Variants in IL32 observed in about 807,000 individuals in gnomAD.
IL32 encodes interleukin 32.
Under a neutral mutation model 16.6 loss-of-function variants are expected in IL32, and 30 were observed. The observed-to-expected ratio is 1.81, with a 90% CI of 1.35 to 2.45. IL32 has a LOEUF of 2.45. IL32 is among the 30% of genes most tolerant of loss of function. IL32 has a pLI of 0.00. For synonymous variants in IL32, 70 were observed against 86.1 expected, an observed-to-expected ratio of 0.81 and a Z score of 1.03; for missense variants, 234 against 229.8, an observed-to-expected ratio of 1.02 and a Z score of -0.12.
rs143342755 is a variant in IL32 at position 3,067,921 on chromosome 16, G to A, written c.115-63G>A. The A allele has an allele frequency of 3.1e-6, 5 of 1,587,642 alleles. No homozygotes were observed. In the African/African-American group the frequency reaches 4.0e-5, roughly 13 times the overall value. On this transcript the variant is annotated intron_variant, in intron 4 of 6. Transcript: ENST00000525643. ...GAGCTGAGGACTCACTGGGCTTGAG[G>A]ACTGACTGATGTGGGGTGCAGAGGA...
chr16:3,065,449 C>T (rs146346692), upstream of IL32: 2,992 of 357,714 alleles, frequency 8.4e-3, 21 homozygotes, highest in Non-Finnish European at 0.012. Context: ...CAGCCAGGGA[C>T]GGACCCTCAT....
At chr16:3,067,688 G>T (rs1177298748) in intron 4 of IL32, 75 bp downstream of exon 4, 3 of 1,180,394 alleles carry the variant, frequency 2.5e-6, no homozygotes, top group Middle Eastern at 3.9e-4. Flanking sequence ...GGGGCTCAGG[G>T]TGAGAAGGAT....
At position 3,068,164 on chromosome 16, in the gene IL32, GC is replaced by G. The variant is rs1305687988; in HGVS notation, c.142-13del. On this transcript the variant is annotated splice_polypyrimidine_tract_variant and intron_variant, in intron 5 of 6. Transcript: ENST00000525643. ...GGCAGGAGCAGCATGAACCCCCTGT[GC>G]CCTCCTCTCCCCAGGACGACTTCAA... 3.1e-6 allele frequency: 5 copies of G among 1,603,998 alleles called. No homozygotes were observed. The highest frequency in any genetic ancestry group is 3.4e-6 in the Non-Finnish European group (4 of 1,175,030).
At chr16:3,067,306 TGTG>T in intron 2 of IL32, 68 bp from the exon 3 acceptor site, 9 of 741,550 alleles carry the variant, frequency 1.2e-5, no homozygotes, top group Non-Finnish European at 2.1e-5. Flanking sequence ...TGTGTGTGTG[TGTG>T]TATAAATTAT....
chr16:3,068,194 G>T lies in IL32; in HGVS notation c.156G>T (p.Glu52Asp). The change falls in exon 6 of 7, where the codon GAG becomes GAT. Residue 52 changes from glutamate to aspartate, a missense_variant. Physicochemically the swap from Glu to Asp is conservative, Grantham distance 45. This residue lies in a region of IL32 where 137 missense variants were observed against 80.7 expected (regional missense o/e 1.70). Transcript: ENST00000525643. ...SLAELEDDFK[E>D]GYLETVAAYY... ...CCTCTCCCCAGGACGACTTCAAAGA[G>T]GGCTACCTGGAGACAGTGGCGGCTT... 6.2e-7 allele frequency: 1 copy of T among 1,604,342 alleles called. No homozygotes were observed. The highest frequency in any genetic ancestry group is 8.5e-7 in the Non-Finnish European group (1 of 1,175,210).
In IL32 at chr16:3,067,269, C is replaced by CTGTGTGTGTGTGTG. The variant is rs1555442464; in HGVS notation, c.16-107_16-106insGTGTGTGTGTGTGT. ...CTTATCCTGTACCTCTGCCATGTGTCTCTGTGTGTGTGTGTGTGTGTGTGT... is the reference window on the plus strand; with the variant it reads ...CTTATCCTGTACCTCTGCCATGTGTCTGTGTGTGTGTGTGTCTGTGTGTGTGTGTGTGTGTGTGT... On this transcript the variant is annotated intron_variant, in intron 2 of 6. Transcript: ENST00000525643. 1.0e-5 allele frequency: 4 copies of CTGTGTGTGTGTGTG among 391,516 alleles called. No individual in the cohort carries two copies. In the East Asian group the frequency reaches 2.4e-4, roughly 23 times the overall value. 24.3% of individuals were successfully genotyped at this position (391,516 alleles called of 1,614,324 possible).
chr16:3,065,808 C>T lies in IL32; in HGVS notation c.-4C>T, dbSNP rs200820637. On this transcript the variant is annotated 5_prime_UTR_variant, in exon 2 of 7. Coordinates refer to ENST00000525643, the MANE Select transcript of IL32 (RefSeq NM_001376923.1). ...GGCCTTGGCTCCTTGAACTTTTGGC[C>T]GCCATGTGCTTCCCGAAGGTGAGTG... 9.4e-5 allele frequency: 152 copies of T among 1,614,132 alleles called. 1 individual carries two copies. The South Asian group carries it at 1.2e-3, about 13-fold the overall frequency.
At chr16:3,068,493 A>G (rs1302457754) in intron 6 of IL32, 27 of 505,710 alleles carry the variant, frequency 5.3e-5, no homozygotes, top group Non-Finnish European at 9.0e-5. Flanking sequence ...GTGTGTTTTT[A>G]GTAGAGACCA....
At chr16:3,066,878 T>TGG (rs199974163) in intron 2 of IL32, among the ~76,000 whole-genome samples, 9 of 150,480 alleles carry the variant, frequency 6.0e-5, no homozygotes, top group Admixed American at 2.6e-4. Context: ...TGTGTGTACA[T>TGG]GGGGGGGTGT....
upstream of IL32, chr16:3,065,488 CTCTCGGGTAAGTCTCCATCTCTGTCTG>C (rs956362456): frequency 4.2e-6 from 2 of 479,120 alleles, no homozygotes; most frequent in African/African-American, 2.0e-5. Context: ...ACCTCTGTCT[CTCTCGGGTAAGTCTCCATCTCTGTCTG>C]TCTCTGTCTC....
chr16:3,068,516 T>C (rs1024015873), intron 6 of IL32: 2 of 471,636 alleles, frequency 4.2e-6, no homozygotes, highest in South Asian at 4.2e-5. Context: ...TTTCACCATG[T>C]TTGCCAGGCT....
intron 4 of IL32, 106 bp from the exon 5 acceptor site, chr16:3,067,878 C>T: frequency 1.5e-6 from 2 of 1,367,768 alleles, no homozygotes; most frequent in Non-Finnish European, 2.1e-6. Flanking sequence ...CTGGCTGGGC[C>T]CAGTTCGGGG....
intron 6 of IL32, chr16:3,068,600 C>G (rs896653849): frequency 1.5e-5 from 6 of 405,986 alleles, no homozygotes; most frequent in Non-Finnish European, 2.8e-5. Context: ...CATGAGCCAC[C>G]GGGCCCAGCC....
intron 3 of IL32, 23 bp from the exon 4 acceptor site, chr16:3,067,531 G>T: frequency 6.2e-7 from 1 of 1,614,042 alleles, no homozygotes; most frequent in African/African-American, 1.3e-5. Context: ...GCCCTTTGGT[G>T]CCAACTCTGC....
intron 4 of IL32, 38 bp from the exon 5 acceptor site, chr16:3,067,945 GA>G: frequency 6.2e-7 from 1 of 1,613,008 alleles, no homozygotes. Flanking sequence ...GGGTGCAGAG[GA>G]GGCTTGGGCC....
chr16:3,067,358 G>C lies in IL32; in HGVS notation c.16-19G>C. ...TTAAGGTGACACATGGAGACTGAGT[G>C]TCACCGTTATTTCCGCAGGTCCTCT... On this transcript the variant is annotated intron_variant, in intron 2 of 6. Transcript: ENST00000525643. 6.8e-7 allele frequency: 1 copy of C among 1,471,110 alleles called. No homozygotes were observed. Among genetic ancestry groups the C allele is most frequent in the Non-Finnish European group, 9.2e-7 (1 of 1,085,186 alleles). 91.1% of individuals were successfully genotyped at this position (1,471,110 alleles called of 1,614,324 possible). A position where few individuals can be genotyped will look rare whatever the true frequency, so the allele number is the denominator to read the frequency against.
At position 3,067,287 on chromosome 16, in the gene IL32, G is replaced by GTGTGTGTGTGTGTGTC. The variant is rs1956474586; in HGVS notation, c.16-75_16-74insCTGTGTGTGTGTGTGT. 3 of 551,692 alleles carry GTGTGTGTGTGTGTGTC rather than the reference G, an allele frequency of 5.4e-6. No individual in the cohort carries two copies. The Admixed American group carries it at 1.1e-4, about 21-fold the overall frequency. 34.2% of individuals were successfully genotyped at this position (551,692 alleles called of 1,614,324 possible). ...CATGTGTCTCTGTGTGTGTGTGTGT[G>GTGTGTGTGTGTGTGTC]TGTGTGTGTGTGTGTGTGTGTGTAT... is the stretch of plus-strand genomic sequence containing the variant. On this transcript the variant is annotated intron_variant, in intron 2 of 6. Coordinates refer to ENST00000525643, the MANE Select transcript of IL32 (RefSeq NM_001376923.1).
Position 3,067,402 on chromosome 16 carries a change from T to C in IL32, c.41T>C (p.Leu14Pro). 1 of 1,566,282 alleles carries C rather than the reference T, an allele frequency of 6.4e-7. No homozygotes were observed. Among genetic ancestry groups the C allele is most frequent in the Non-Finnish European group, 8.7e-7 (1 of 1,155,520 alleles). The change falls in exon 3 of 7, where the codon CTG (leucine) becomes CCG (proline). Residue 14 changes from leucine to proline, a missense_variant. By Grantham distance (98) the Leu-to-Pro change is moderately conservative. Around this residue, in one of 3 missense-constraint regions of IL32, gnomAD observed 137 missense variants for 80.7 expected, o/e 1.70. Transcript: ENST00000525643. ...GTCCTCTCTGATGACATGAAGAAGC[T>C]GAAGGCCCGAATGGTAATGCTCCTC... ...PKVLSDDMKK[L>P]KARMHQAIER...
At chr16:3,065,711 G>T in intron 1 of IL32, 24 bp downstream of exon 1, 1 of 1,388,082 alleles carries the variant, frequency 7.2e-7, no homozygotes. Flanking sequence ...GTCCCCGAAG[G>T]TGAGGACCCT....
Sources: allele counts gnomAD v4.1 joint callset (sites outside exome capture counted in the v4.1 genomes callset), GRCh38; gene constraint gnomAD v4.1.1; regional missense constraint gnomAD v4.1.1; transcripts MANE v1.5; gene names NCBI Gene and HGNC (gene_info 2026-07-23, HGNC 2026-07-21).